THAP12: variants seen among roughly 807,000 people sequenced by gnomAD.
The protein encoded by THAP12 is THAP domain containing 12, also known as 52 kDa repressor of the inhibitor of the protein kinase.
THAP12 carries 20 observed loss-of-function variants against 63.0 expected under a neutral mutation model. That is an observed-to-expected ratio of 0.32 (90% CI 0.22 to 0.46). THAP12 has a LOEUF of 0.46. THAP12 is among the 20% of genes least tolerant of loss of function. The pLI, the probability that THAP12 is intolerant of heterozygous loss-of-function variation, is 1.00. For synonymous variants in THAP12, 264 were observed against 328.4 expected (o/e 0.80, Z 2.12); for missense variants, 568 against 908.2 (o/e 0.63, Z 4.81).
At chr11:76,363,472 T>G (rs1946611309) in intron 2 of THAP12, among the ~76,000 whole-genome samples, 1 of 152,002 alleles carries the variant, frequency 6.6e-6, no homozygotes, top group African/African-American at 2.4e-5. Flanking sequence ...GACTCCTGAG[T>G]AGCTGGGACT....
At chr11:76,373,163 T>C (rs376567148) in intron 1 of THAP12, among the ~76,000 whole-genome samples, 54 of 152,008 alleles carry the variant, frequency 3.6e-4, no homozygotes, top group African/African-American at 1.3e-3. Context: ...CTGGGCAACA[T>C]GGCGAAACCC....
At chr11:76,380,139 A>G (rs1183585609) in intron 1 of THAP12, among the ~76,000 whole-genome samples, 1 of 152,208 alleles carries the variant, frequency 6.6e-6, no homozygotes, top group Non-Finnish European at 1.5e-5. Context: ...AGAGGTTCCA[A>G]TACCAATTTC....
chr11:76,357,178 T>A (rs1246500423), intron 3 of THAP12: 1 of 152,216 alleles, frequency 6.6e-6, no homozygotes, highest in Non-Finnish European at 1.5e-5. Flanking sequence ...ATAAATGATT[T>A]AAAGTCACGG....
chr11:76,372,101 G>A (rs370036428), intron 1 of THAP12, among the ~76,000 whole-genome samples: 7 of 151,522 alleles, frequency 4.6e-5, no homozygotes, highest in South Asian at 2.1e-4. Context: ...GTGAGCCATC[G>A]TGCCTGGCCT....
intron 1 of THAP12, among the ~76,000 whole-genome samples, chr11:76,376,349 C>A (rs1047864615): frequency 6.6e-6 from 1 of 152,182 alleles, no homozygotes; most frequent in Non-Finnish European, 1.5e-5. Context: ...TCAAAGGAGT[C>A]TAACGTTGAA....
chr11:76,374,124 G>A (rs935485306), intron 1 of THAP12, among the ~76,000 whole-genome samples: 40 of 152,138 alleles, frequency 2.6e-4, no homozygotes, highest in African/African-American at 9.4e-4. Context: ...ACGATATGCA[G>A]TTAAAAAGGT....
intron 2 of THAP12, among the ~76,000 whole-genome samples, chr11:76,363,708 C>T (rs1946613383): frequency 6.6e-6 from 1 of 152,186 alleles, no homozygotes; most frequent in Non-Finnish European, 1.5e-5. Context: ...CCTGTTTCAG[C>T]CTCCTGAGCA....
At chr11:76,380,614 G>A (rs935318021) in intron 1 of THAP12, 134 bp downstream of exon 1, 8 of 621,054 alleles carry the variant, frequency 1.3e-5, no homozygotes, top group South Asian at 6.4e-5. Flanking sequence ...GTCCAACGCT[G>A]GGGTCGACGG....
rs1356231722 is a variant in THAP12, at chr11:76,352,749, T to C, written c.401A>G (p.Asn134Ser). 3.9e-6 allele frequency: 6 copies of C among 1,553,856 alleles called. No homozygotes were observed. The highest frequency in any genetic ancestry group is 5.2e-6 in the Non-Finnish European group (6 of 1,153,726). Residue 134 changes from asparagine (N) to serine (S), a missense_variant, in exon 5 of 5, where the codon AAT (asparagine) becomes AGT (serine). By Grantham distance (46) the Asn-to-Ser change is conservative. Coordinates refer to ENST00000260045, the MANE Select transcript of THAP12 (RefSeq NM_004705.4). ...TTCGCTGGGGTTCTGAGCATTGCTATTGTTGGTTTCTTTATGTTTTTGTTC... is the reference window on the plus strand; with the variant it reads ...TTCGCTGGGGTTCTGAGCATTGCTACTGTTGGTTTCTTTATGTTTTTGTTC... Reference protein sequence around the residue: ...EQEQKHKETNNSNAQNPSEEE... With the variant: ...EQEQKHKETNSSNAQNPSEEE...
chr11:76,379,692 CTTTG>C (rs1484555434), intron 1 of THAP12, among the ~76,000 whole-genome samples: 11 of 152,094 alleles, frequency 7.2e-5, no homozygotes, highest in African/African-American at 1.4e-4. Context: ...ACCCTCTAAC[CTTTG>C]TTTATTTTTC....
chr11:76,357,579 G>A (rs1946569963), intron 3 of THAP12: 1 of 151,948 alleles, frequency 6.6e-6, no homozygotes. Context: ...TACCTAAAAA[G>A]GAACAAGAAT....
At chr11:76,357,375 A>G (rs1946568443) in intron 3 of THAP12, 1 of 152,216 alleles carries the variant, frequency 6.6e-6, no homozygotes, top group South Asian at 2.1e-4. Flanking sequence ...ATAGAAATAA[A>G]CAAATAGAGG....
intron 1 of THAP12, among the ~76,000 whole-genome samples, chr11:76,378,595 ATTC>A (rs747733014): frequency 6.6e-6 from 1 of 150,500 alleles, no homozygotes; most frequent in Non-Finnish European, 1.5e-5. Context: ...AAAGACATCT[ATTC>A]TTTTTTTTTT....
chr11:76,363,219 G>A (rs1363447030), intron 2 of THAP12, among the ~76,000 whole-genome samples: 2 of 152,074 alleles, frequency 1.3e-5, no homozygotes, highest in Admixed American at 6.5e-5. Flanking sequence ...CAAATACTAC[G>A]TATGATACCA....
chr11:76,368,396 T>A (rs1186964627), intron 1 of THAP12, among the ~76,000 whole-genome samples: 3 of 152,184 alleles, frequency 2.0e-5, no homozygotes, highest in Non-Finnish European at 4.4e-5. Flanking sequence ...TAATTCAATA[T>A]AATCACAAGC....
rs778017652 is a variant in THAP12 at position 76,352,230 on chromosome 11, G to C, written c.920C>G (p.Ala307Gly). The part of the protein sequence containing the change: ...LPYEADAEIL[A>G]VKFHTMITEK... ...AGTTATCATAGTGTGAAATTTCACA[G>C]CCAAAATTTCTGCATCGGCTTCATA... Residue 307 changes from alanine (A) to glycine (G), a missense_variant, in exon 5 of 5, where the codon GCT (alanine) becomes GGT (glycine). By Grantham distance (60) the Ala-to-Gly change is moderately conservative. Transcript: ENST00000260045. The C allele has an allele frequency of 6.2e-7, 1 of 1,611,684 alleles. No homozygotes were observed. The highest frequency in any genetic ancestry group is 8.5e-7 in the Non-Finnish European group (1 of 1,179,732).
chr11:76,368,237 A>T (rs2618083), intron 1 of THAP12, among the ~76,000 whole-genome samples: 145,047 of 152,314 alleles, frequency 0.95, 69,120 homozygotes, highest in African/African-American at 0.98. Flanking sequence ...AATACACCTG[A>T]CTTTCTATAT....
intron 3 of THAP12, among the ~76,000 whole-genome samples, chr11:76,360,394 T>C (rs1946590446): frequency 6.6e-6 from 1 of 152,218 alleles, no homozygotes; most frequent in African/African-American, 2.4e-5. Flanking sequence ...AAGGAGTTAC[T>C]GTACTTCTGT....
At chr11:76,364,236 A>C (rs1483286569) in intron 2 of THAP12, 1 of 190,180 alleles carries the variant, frequency 5.3e-6, no homozygotes, top group African/African-American at 2.4e-5. Flanking sequence ...TAAACATATG[A>C]AACCTTTTAT....
Sources: gnomAD v4.1 joint callset for allele counts (sites outside exome capture counted in the v4.1 genomes callset) on GRCh38, gnomAD v4.1.1 for gene constraint, MANE v1.5 for transcripts, NCBI Gene and HGNC (gene_info 2026-07-23, HGNC 2026-07-21) for gene names.